The following LUC7L variants were observed in gnomAD, a reference collection of about 807,000 sequenced individuals.
The protein encoded by LUC7L is putative RNA-binding protein Luc7-like 1.
In LUC7L, 29 loss-of-function variants were observed where a neutral mutation model predicts 51.1. The ratio of observed to expected loss-of-function variants is 0.57; its 90% CI spans 0.42 to 0.77. LUC7L has a LOEUF of 0.77. Among genes scored for constraint, LUC7L ranks in the 30% least tolerant of loss-of-function variants. The pLI is 0.00. For synonymous variants in LUC7L, 181 were observed against 180.7 expected (o/e 1.00, Z -0.01); for missense variants, 403 against 511.9 (o/e 0.79, Z 2.05).
Position 229,401 on chromosome 16 carries a change from G to GGCGTCGACAAACGATGGTC in LUC7L, c.-81_-63dup, listed in dbSNP as rs1373775943. ...CTTCTCTCAGGCAGGCGGTGGCAGC[G>GGCGTCGACAAACGATGGTC]GCGTCGACAAACGATGGTCGCGTCG... On this transcript the variant is annotated 5_prime_UTR_variant, in exon 1 of 10. Coordinates refer to ENST00000293872, the MANE Select transcript of LUC7L (RefSeq NM_201412.3). 3 of 1,389,226 alleles carry GGCGTCGACAAACGATGGTC rather than the reference G, an allele frequency of 2.2e-6. No individual in the cohort carries two copies. Among genetic ancestry groups the GGCGTCGACAAACGATGGTC allele is most frequent in the Non-Finnish European group, 2.8e-6 (3 of 1,054,512 alleles). The allele number at this position is 1,389,226 out of a possible 1,614,324, so 86.1% of individuals were successfully genotyped here.
rs1062900 is a variant in LUC7L at position 189,221 on chromosome 16, C to T, written c.1093G>A (p.Glu365Lys). The T allele has an allele frequency of 6.2e-7, 1 of 1,614,016 alleles. No homozygotes were observed. The highest frequency in any genetic ancestry group is 8.5e-7 in the Non-Finnish European group (1 of 1,179,974). The change falls in exon 10 of 10, where the codon GAG becomes AAG. Residue 365 changes from glutamate to lysine, a missense_variant. Transcript: ENST00000293872. ...GTTCAGATCTCGCCGGCCTCCTTCT[C>T]TTCTGACCTCCGTGAAGCCATCTTC... ...NGKMASRRSE[E>K]KEAGEI is the part of the protein sequence containing the mutation.
intron 4 of LUC7L, among the ~76,000 whole-genome samples, chr16:206,890 TAAAAAAAAAAAAA>T (rs67775388): frequency 1.0e-5 from 1 of 99,566 alleles, no homozygotes; most frequent in South Asian, 3.8e-4. Flanking sequence ...CCATCTTTAT[TAAAAAAAAAAAAA>T]AAAAAAAAAA....
intron 1 of LUC7L, 62 bp downstream of exon 1, chr16:229,213 AGGCC>A: frequency 6.0e-6 from 9 of 1,509,494 alleles, no homozygotes; most frequent in Non-Finnish European, 7.0e-6. Flanking sequence ...CCCCCGCCTC[AGGCC>A]GCCCGGCGGC....
At chr16:225,119 G>A (rs1431655427) in intron 2 of LUC7L, among the ~76,000 whole-genome samples, 1 of 152,068 alleles carries the variant, frequency 6.6e-6, no homozygotes, top group East Asian at 1.9e-4. Flanking sequence ...TCCACAACCT[G>A]TGTTCTCTTC....
At chr16:204,177 C>T (rs963279690) in intron 5 of LUC7L, among the ~76,000 whole-genome samples, 1 of 152,008 alleles carries the variant, frequency 6.6e-6, no homozygotes, top group Non-Finnish European at 1.5e-5. Context: ...GGCGAAGTGG[C>T]TCACGCCTGT....
rs140527576 is a variant in LUC7L at position 190,911 on chromosome 16, C to T, written c.777-341G>A. 2.5e-3 allele frequency: 559 copies of T among 219,264 alleles called. 5 individuals carry two copies. Among genetic ancestry groups the T allele is most frequent in the African/African-American group, 0.012 (523 of 43,668 alleles). 13.6% of individuals were successfully genotyped at this position (219,264 alleles called of 1,614,324 possible). A position where few individuals can be genotyped will look rare whatever the true frequency, so the allele number is the denominator to read the frequency against. The stretch of plus-strand genomic sequence containing the variant: ...GAAAAAAAAAAAGTGAATGACTTCC[C>T]GAAAGCACCCCTATTCCTCACCCTC... On this transcript the variant is annotated intron_variant, in intron 7 of 9. Transcript: ENST00000293872.
chr16:218,108 G>A (rs1367721948), intron 3 of LUC7L, among the ~76,000 whole-genome samples: 6 of 151,518 alleles, frequency 4.0e-5, no homozygotes, highest in African/African-American at 1.5e-4. Context: ...TAGGAGAATC[G>A]CTTGAACCCA....
chr16:199,379 T>C lies in LUC7L; in HGVS notation c.511-141A>G, dbSNP rs1266653365. 8.1e-6 allele frequency: 5 copies of C among 618,886 alleles called. No homozygotes were observed. The African/African-American group carries it at 9.2e-5, about 11-fold the overall frequency. The allele number at this position is 618,886 out of a possible 1,614,324, so 38.3% of individuals were successfully genotyped here. Reference sequence around the variant, plus strand: ...AAAAAAACACAAACAAAACTTCAGATATTTATAACCAACTCAATTTTCACT... The same window carrying C: ...AAAAAAACACAAACAAAACTTCAGACATTTATAACCAACTCAATTTTCACT... On this transcript the variant is annotated intron_variant, in intron 5 of 9. Transcript: ENST00000293872.
At chr16:201,155 C>T (rs575609304) in intron 5 of LUC7L, among the ~76,000 whole-genome samples, 2 of 102,874 alleles carry the variant, frequency 1.9e-5, no homozygotes, top group East Asian at 3.1e-4. Context: ...GGCGACAGAG[C>T]GAGACTCTGT....
At chr16:198,738 A>G (rs2858015) in intron 6 of LUC7L, among the ~76,000 whole-genome samples, 114,765 of 151,768 alleles carry the variant, frequency 0.76, 44,545 homozygotes, top group African/African-American at 0.94. Context: ...CCAGGCTGGA[A>G]TGCAATGGCA....
At chr16:193,510 AT>A (rs199999884) in intron 6 of LUC7L, among the ~76,000 whole-genome samples, 10 of 150,416 alleles carry the variant, frequency 6.6e-5, no homozygotes, top group African/African-American at 9.8e-5. Flanking sequence ...TTATCATTAC[AT>A]TTTTTTTTCC....
chr16:205,879 G>T, intron 5 of LUC7L, 125 bp downstream of exon 5: 2 of 1,160,528 alleles, frequency 1.7e-6, no homozygotes, highest in Non-Finnish European at 2.4e-6. Context: ...GTGAGCCACT[G>T]TGCTGGGCCC....
intron 2 of LUC7L, among the ~76,000 whole-genome samples, chr16:222,609 A>G (rs1393810641): frequency 6.6e-6 from 1 of 151,470 alleles, no homozygotes; most frequent in African/African-American, 2.4e-5. Context: ...ACTGCACTCC[A>G]GTCTGAGCAA....
At chr16:214,610 T>TTGATCCTCCGGGCTCAAC (rs1410881306) in intron 3 of LUC7L, among the ~76,000 whole-genome samples, 1 of 152,184 alleles carries the variant, frequency 6.6e-6, no homozygotes, top group Non-Finnish European at 1.5e-5. Flanking sequence ...CACTTCAGCC[T>TTGATCCTCCGGGCTCAAC]TGATCCTCCG....
chr16:211,867 T>A (rs1203979), intron 3 of LUC7L, among the ~76,000 whole-genome samples: 37,034 of 151,994 alleles, frequency 0.24, 5,667 homozygotes, highest in East Asian at 0.49. Context: ...TGTTACCAGC[T>A]CTCCCGGCCC....
intron 2 of LUC7L, among the ~76,000 whole-genome samples, chr16:222,011 TC>T (rs1314301212): frequency 5.3e-5 from 8 of 152,176 alleles, no homozygotes; most frequent in African/African-American, 1.9e-4. Flanking sequence ...CAGATAATTG[TC>T]CCACTCAGTT....
At chr16:203,789 G>A (rs907145420) in intron 5 of LUC7L, among the ~76,000 whole-genome samples, 5 of 152,078 alleles carry the variant, frequency 3.3e-5, no homozygotes, top group Non-Finnish European at 5.9e-5. Flanking sequence ...GGCCAAGGCA[G>A]GCGGATCATG....
intron 6 of LUC7L, among the ~76,000 whole-genome samples, chr16:198,194 G>A (rs1012206251): frequency 6.7e-6 from 1 of 148,354 alleles, no homozygotes; most frequent in African/African-American, 2.5e-5. Context: ...CAGGAAAATG[G>A]TGTGAACCTG....
chr16:213,902 G>A (rs1246480228), intron 3 of LUC7L, among the ~76,000 whole-genome samples: 1 of 151,642 alleles, frequency 6.6e-6, no homozygotes, highest in East Asian at 1.9e-4. Context: ...TTTTAGTAGA[G>A]ATGGGGTCTC....
Sources: gnomAD v4.1 joint callset for allele counts (sites outside exome capture counted in the v4.1 genomes callset) on GRCh38, gnomAD v4.1.1 for gene constraint, MANE v1.5 for transcripts, NCBI Gene and HGNC (gene_info 2026-07-23, HGNC 2026-07-21) for gene names.